GRM7: variants seen among roughly 807,000 people sequenced by gnomAD.
The protein encoded by GRM7 is metabotropic glutamate receptor 7.
In GRM7, 35 loss-of-function variants were observed where a neutral mutation model predicts 84.5. That is an observed-to-expected ratio of 0.41 (90% confidence interval 0.32 to 0.55). The LOEUF (loss-of-function observed/expected upper bound fraction) is 0.55. Ranked by LOEUF, GRM7 falls within the 20% of genes least tolerant of loss-of-function variation. The pLI is 0.19. For missense variants in GRM7, 1,003 were observed against 1,194.6 expected, an observed-to-expected ratio of 0.84 and a Z score of 2.36; for synonymous variants, 487 against 455.1, an observed-to-expected ratio of 1.07 and a Z score of -0.89.
At chr3:6,955,567 G>T (rs1575064168) in intron 1 of GRM7, among the ~76,000 whole-genome samples, 1 of 151,584 alleles carries the variant, frequency 6.6e-6, no homozygotes, top group Non-Finnish European at 1.5e-5. Context: ...TGACAGGGCT[G>T]GGCACAGTGA....
At chr3:7,191,886 A>C (rs1427635705) in intron 2 of GRM7, among the ~76,000 whole-genome samples, 1 of 152,040 alleles carries the variant, frequency 6.6e-6, no homozygotes, top group African/African-American at 2.4e-5. Context: ...TTTAAAAATA[A>C]ATTTTATAAA....
rs568754931 is a variant in GRM7 at position 7,445,927 on chromosome 3, A to G, written c.1175-6680A>G. On this transcript the variant is annotated intron_variant, in intron 5 of 9. Coordinates refer to ENST00000357716, the MANE Select transcript of GRM7 (RefSeq NM_000844.4). The stretch of plus-strand genomic sequence containing the variant: ...CATTCTGTAACACTCCAGGATATTC[A>G]CCCTGCTGTCCCTGTGTCCCCTTCA... 2.0e-5 allele frequency among the ~76,000 whole-genome samples: 3 copies of G among 152,164 alleles called. No individual in the cohort carries two copies. The South Asian group carries it at 6.2e-4, about 32-fold the overall frequency.
intron 2 of GRM7, among the ~76,000 whole-genome samples, chr3:7,275,735 T>C (rs1282967963): frequency 6.6e-6 from 1 of 152,118 alleles, no homozygotes; most frequent in African/African-American, 2.4e-5. Context: ...TATTTCCAAA[T>C]GGTTCCTTTC....
chr3:6,955,078 T>C (rs1692971045), intron 1 of GRM7, among the ~76,000 whole-genome samples: 1 of 152,224 alleles, frequency 6.6e-6, no homozygotes, highest in Non-Finnish European at 1.5e-5. Flanking sequence ...GTAAAAATTC[T>C]TTACTTCATT....
intron 7 of GRM7, among the ~76,000 whole-genome samples, chr3:7,557,016 G>A (rs1693795980): frequency 1.3e-5 from 2 of 152,150 alleles, no homozygotes; most frequent in Admixed American, 1.3e-4. Flanking sequence ...TATGAGCAAT[G>A]AAAACCCATC....
intron 4 of GRM7, among the ~76,000 whole-genome samples, chr3:7,331,947 G>A (rs78006082): frequency 0.04 from 6,044 of 152,242 alleles, 257 homozygotes; most frequent in African/African-American, 0.11. Context: ...GGAAAAGGAT[G>A]TTGAAACTTA....
intron 2 of GRM7, among the ~76,000 whole-genome samples, chr3:7,271,749 TA>T (rs200198740): frequency 3.2e-3 from 491 of 152,096 alleles, no homozygotes; most frequent in African/African-American, 0.011. Context: ...AAAACAATAA[TA>T]GGAAGAAAAG....
chr3:7,130,703 A>G (rs544412396), intron 1 of GRM7, among the ~76,000 whole-genome samples: 3 of 152,174 alleles, frequency 2.0e-5, no homozygotes, highest in Non-Finnish European at 4.4e-5. Context: ...CCCAGGAAGC[A>G]GTCAACCTAA....
chr3:7,313,072 G>A (rs941713576), intron 4 of GRM7, among the ~76,000 whole-genome samples: 1 of 151,804 alleles, frequency 6.6e-6, no homozygotes, highest in Non-Finnish European at 1.5e-5. Flanking sequence ...GGGATTACAG[G>A]CGCCTGCCAC....
At chr3:7,102,886 A>C (rs1699162654) in intron 1 of GRM7, among the ~76,000 whole-genome samples, 1 of 151,368 alleles carries the variant, frequency 6.6e-6, no homozygotes, top group Non-Finnish European at 1.5e-5. Context: ...TCAGTTCTAG[A>C]ATTTTTGTTC....
intron 1 of GRM7, among the ~76,000 whole-genome samples, chr3:6,983,803 G>GT (rs5846479): frequency 0.03 from 4,398 of 145,806 alleles, 67 homozygotes; most frequent in Non-Finnish European, 0.035. Flanking sequence ...CTTTTGTTTT[G>GT]TTTTTTTTTT....
At chr3:7,173,722 A>C (rs1003298731) in intron 2 of GRM7, among the ~76,000 whole-genome samples, 1 of 152,006 alleles carries the variant, frequency 6.6e-6, no homozygotes, top group Non-Finnish European at 1.5e-5. Flanking sequence ...CCCACCCCAC[A>C]TTCATTTACT....
intron 4 of GRM7, among the ~76,000 whole-genome samples, chr3:7,346,124 G>A (rs1040491110): frequency 2.0e-5 from 3 of 152,028 alleles, no homozygotes; most frequent in Non-Finnish European, 4.4e-5. Flanking sequence ...TTAGGTGACG[G>A]CAACCATAAT....
At chr3:6,925,883 C>T (rs565997194) in intron 1 of GRM7, among the ~76,000 whole-genome samples, 4 of 152,224 alleles carry the variant, frequency 2.6e-5, no homozygotes, top group East Asian at 3.9e-4. Context: ...GTCTTCTCTT[C>T]GGGTCAAATA....
intron 2 of GRM7, among the ~76,000 whole-genome samples, chr3:7,176,961 A>G (rs993035905): frequency 6.6e-6 from 1 of 152,252 alleles, no homozygotes; most frequent in African/African-American, 2.4e-5. Flanking sequence ...GAACCACAAG[A>G]TACAAGTAGT....
At chr3:7,436,114 C>T (rs1057152452) in intron 5 of GRM7, among the ~76,000 whole-genome samples, 15 of 151,284 alleles carry the variant, frequency 9.9e-5, no homozygotes, top group South Asian at 8.4e-4. Context: ...CCCAAAGTGC[C>T]GGGATTACAG....
chr3:6,991,636 T>C lies in GRM7; in HGVS notation c.519+129729T>C, dbSNP rs1282319245. Among the ~76,000 whole-genome samples the C allele has an allele frequency of 2.6e-5, 4 of 152,116 alleles. No homozygotes were observed. The East Asian group carries it at 5.8e-4, about 22-fold the overall frequency. Reference sequence around the variant, plus strand: ...GTTTTAAATTTTTTTCCAACTTTATTGAGGAATAATTGACAAAAATTCTCT... The same window carrying C: ...GTTTTAAATTTTTTTCCAACTTTATCGAGGAATAATTGACAAAAATTCTCT... On this transcript the variant is annotated intron_variant, in intron 1 of 9. Transcript: ENST00000357716.
chr3:7,630,532 T>A (rs938272233), intron 8 of GRM7, among the ~76,000 whole-genome samples: 2 of 152,182 alleles, frequency 1.3e-5, no homozygotes, highest in African/African-American at 4.8e-5. Flanking sequence ...GGACTGCTAC[T>A]ACCCCAAAAG....
At chr3:7,390,889 C>T (rs1325313303) in intron 4 of GRM7, among the ~76,000 whole-genome samples, 2 of 152,098 alleles carry the variant, frequency 1.3e-5, no homozygotes, top group Non-Finnish European at 2.9e-5. Flanking sequence ...TTGAGAGCTA[C>T]TGGGATCCTT....
Sources: gnomAD v4.1 joint callset for allele counts (sites outside exome capture counted in the v4.1 genomes callset) on GRCh38, gnomAD v4.1.1 for gene constraint, MANE v1.5 for transcripts, NCBI Gene and HGNC (gene_info 2026-07-23, HGNC 2026-07-21) for gene names.